Variants in PKP1 observed in about 807,000 individuals in gnomAD.
The protein encoded by PKP1 is plakophilin 1, also known as plakophilin-1.
A neutral mutation model predicts 76.4 loss-of-function variants in PKP1; 27 were observed. The observed-to-expected ratio is 0.35, with a 90% CI of 0.26 to 0.49. The LOEUF (loss-of-function observed/expected upper bound fraction) is 0.49. PKP1 is among the 20% of genes least tolerant of loss of function. PKP1 has a pLI of 0.99. For missense variants in PKP1, 964 were observed against 955.2 expected (o/e 1.01, Z -0.12); for synonymous variants, 404 against 384.2 (o/e 1.05, Z -0.60).
intron 6 of PKP1, 79 bp downstream of exon 6, chr1:201,318,874 C>A: frequency 8.2e-7 from 1 of 1,222,368 alleles, no homozygotes; most frequent in South Asian, 1.3e-5. Flanking sequence ...AGCCAACATT[C>A]AGCCGGTGCA....
chr1:201,328,658 C>T, intron 12 of PKP1, 104 bp from the exon 13 acceptor site: 1 of 940,878 alleles, frequency 1.1e-6, no homozygotes, highest in South Asian at 1.3e-5. Context: ...AAGAGAGAGG[C>T]TGTGTGAGCC....
intron 9 of PKP1, among the ~76,000 whole-genome samples, chr1:201,323,911 C>G: frequency 6.6e-6 from 1 of 152,148 alleles, no homozygotes. Context: ...CTAGGGGACC[C>G]CAGTTCTCTC....
In PKP1 at chr1:201,313,551, C is replaced by T; in HGVS notation, c.692C>T (p.Ala231Val). The stretch of plus-strand genomic sequence containing the variant: ...GACCTGTCCTTTGGCCACTCTAGGG[C>T]CAGCTCCAAGTGAGTGCTGCTGGGC... The part of the protein sequence containing the change: ...NKDLSFGHSR[A>V]SSKICSEDIE... Residue 231 changes from alanine to valine, a missense_variant, in exon 3 of 14, where the codon GCC becomes GTC. Transcript: ENST00000367324. The T allele has an allele frequency of 1.2e-6, 2 of 1,612,750 alleles. No homozygotes were observed. The highest frequency in any genetic ancestry group is 1.7e-6 in the Non-Finnish European group (2 of 1,179,074).
Position 201,323,157 on chromosome 1 carries a change from G to A in PKP1, c.1648G>A (p.Ala550Thr), listed in dbSNP as rs753621238. Residue 550 changes from alanine (A) to threonine (T), a missense_variant, in exon 9 of 14, where the codon GCC (alanine) becomes ACC (threonine). Coordinates refer to ENST00000367324, the MANE Select transcript of PKP1 (RefSeq NM_001005337.3). ...KDATLEACAG[A>T]LQNLTASKGL... Reference sequence around the variant, plus strand: ...TGCTACCCTGGAGGCCTGTGCTGGTGCCCTGCAGAACCTGACAGCCAGCAA... The same window carrying A: ...TGCTACCCTGGAGGCCTGTGCTGGTACCCTGCAGAACCTGACAGCCAGCAA... 2 of 1,614,092 alleles carry A rather than the reference G, an allele frequency of 1.2e-6. No individual in the cohort carries two copies. The highest frequency in any genetic ancestry group is 2.2e-5 in the East Asian group (1 of 44,888).
In PKP1 at chr1:201,330,714, G is replaced by T. The variant is rs74504311; in HGVS notation, c.*673G>T. On this transcript the variant is annotated 3_prime_UTR_variant, in exon 14 of 14. Coordinates refer to ENST00000367324, the MANE Select transcript of PKP1 (RefSeq NM_001005337.3). The stretch of plus-strand genomic sequence containing the variant: ...TGGTGTATCTCATGGGAGAATCTGG[G>T]GTGTCTGTAATGTCACCCCTCCAGC... The T allele has an allele frequency of 0.15, 22,339 of 152,182 alleles. 2,091 individuals carry two copies. The highest frequency in any genetic ancestry group is 0.26 in the African/African-American group (10,863 of 41,462). 9.4% of individuals were successfully genotyped at this position (152,182 alleles called of 1,614,324 possible).
At chr1:201,311,893 C>T (rs888108291) in intron 2 of PKP1, among the ~76,000 whole-genome samples, 4 of 152,252 alleles carry the variant, frequency 2.6e-5, no homozygotes, top group African/African-American at 4.8e-5. Context: ...GGAAAGTCCT[C>T]CTCGGACAGT....
intron 2 of PKP1, among the ~76,000 whole-genome samples, chr1:201,296,630 A>G (rs917435139): frequency 1.3e-5 from 2 of 152,252 alleles, no homozygotes; most frequent in African/African-American, 4.8e-5. Context: ...ACAGTTGAAA[A>G]GAATCTGACT....
intron 13 of PKP1, 46 bp from the exon 14 acceptor site, chr1:201,330,028 A>G (rs1241285180): frequency 6.6e-6 from 1 of 152,172 alleles, no homozygotes; most frequent in Non-Finnish European, 1.5e-5. Flanking sequence ...GTGGTGTGGA[A>G]ACATCTCACT....
chr1:201,308,955 A>T (rs1462641874), intron 2 of PKP1, among the ~76,000 whole-genome samples: 1 of 152,058 alleles, frequency 6.6e-6, no homozygotes, highest in East Asian at 1.9e-4. Context: ...GGGGTGTAAA[A>T]GAGGGGAGTC....
At chr1:201,324,815 G>T in intron 10 of PKP1, 126 bp from the exon 11 acceptor site, 2 of 1,082,754 alleles carry the variant, frequency 1.8e-6, no homozygotes, top group South Asian at 2.9e-5. Context: ...CTGCCAGGAA[G>T]CCCTGAGGGC....
chr1:201,319,757 C>G lies in PKP1; in HGVS notation c.1233-510C>G, dbSNP rs572940549. 27 of 1,568,656 alleles carry G rather than the reference C, an allele frequency of 1.7e-5. 1 individual carries two copies. The Admixed American group carries it at 3.8e-4, about 22-fold the overall frequency. On this transcript the variant is annotated intron_variant, in intron 6 of 13. Coordinates refer to ENST00000367324, the MANE Select transcript of PKP1 (RefSeq NM_001005337.3). Reference sequence around the variant, plus strand: ...GAGAGGGAGCTTCTGGTGCCCAGCCCGGCCACCCCCAGATCCACTTCTGAT... The same window carrying G: ...GAGAGGGAGCTTCTGGTGCCCAGCCGGGCCACCCCCAGATCCACTTCTGAT...
At chr1:201,309,603 G>A (rs937057901) in intron 2 of PKP1, among the ~76,000 whole-genome samples, 4 of 152,192 alleles carry the variant, frequency 2.6e-5, no homozygotes, top group Admixed American at 6.5e-5. Context: ...ACAGCCAGAC[G>A]CTGCCAGCAG....
intron 10 of PKP1, 52 bp from the exon 11 acceptor site, chr1:201,324,889 C>A: frequency 6.5e-7 from 1 of 1,547,310 alleles, no homozygotes; most frequent in African/African-American, 1.4e-5. Flanking sequence ...ACCCCTCAGC[C>A]CTTCCTTCCC....
chr1:201,310,085 C>T (rs1656498266), intron 2 of PKP1, among the ~76,000 whole-genome samples: 1 of 152,174 alleles, frequency 6.6e-6, no homozygotes, highest in Admixed American at 6.5e-5. Context: ...TGGGTTCATC[C>T]TCTCTCTTAT....
At chr1:201,319,910 G>A (rs753745578) in intron 6 of PKP1, 46 of 1,607,600 alleles carry the variant, frequency 2.9e-5, no homozygotes, top group Admixed American at 6.7e-5. Flanking sequence ...CGGAGGGACC[G>A]TTGCCACATG....
At chr1:201,312,743 AC>A (rs1334827506) in intron 2 of PKP1, among the ~76,000 whole-genome samples, 1 of 151,962 alleles carries the variant, frequency 6.6e-6, no homozygotes, top group African/African-American at 2.4e-5. Flanking sequence ...TGGTGCATAC[AC>A]CTTTCCTGGG....
chr1:201,297,452 C>G lies in PKP1; in HGVS notation c.306+3407C>G, dbSNP rs139633379. Among the ~76,000 whole-genome samples, 764 of 152,280 alleles carry G rather than the reference C, an allele frequency of 5.0e-3. 7 individuals are homozygous for G. Among genetic ancestry groups the G allele is most frequent in the African/African-American group, 0.017 (710 of 41,558 alleles). ...TCTCAGCTGCATACTCAGCTATGCT[C>G]TTCTGGTTCTCAGCACCAAACCTGT... On this transcript the variant is annotated intron_variant, in intron 2 of 13. Transcript: ENST00000367324.
intron 2 of PKP1, among the ~76,000 whole-genome samples, chr1:201,302,094 C>T (rs706494): frequency 1.3e-5 from 2 of 152,104 alleles, no homozygotes; most frequent in Non-Finnish European, 2.9e-5. Context: ...CTCCAACCCG[C>T]GGCACCTGGT....
Position 201,320,289 on chromosome 1 carries a change from G to A in PKP1, c.1255G>A (p.Gly419Ser). Residue 419 changes from glycine to serine, a missense_variant, in exon 7 of 14, where the codon GGC becomes AGC. Transcript: ENST00000367324. ...CLRNLSSADAGRQTMRNYSGL... is the reference protein window; with the variant it reads ...CLRNLSSADASRQTMRNYSGL... ...CAGGAACCTGAGCTCGGCCGATGCA[G>A]GCCGCCAGACCATGCGTAACTACTC... 1 of 1,613,738 alleles carries A rather than the reference G, an allele frequency of 6.2e-7. No individual in the cohort carries two copies. Among genetic ancestry groups the A allele is most frequent in the Non-Finnish European group, 8.5e-7 (1 of 1,179,732 alleles).
Sources: gnomAD v4.1 joint callset for allele counts (sites outside exome capture counted in the v4.1 genomes callset) on GRCh38, gnomAD v4.1.1 for gene constraint, MANE v1.5 for transcripts, NCBI Gene and HGNC (gene_info 2026-07-23, HGNC 2026-07-21) for gene names.